EVI5: variants seen among roughly 807,000 people sequenced by gnomAD.
EVI5 encodes ecotropic viral integration site 5 protein homolog.
A neutral mutation model predicts 112.0 loss-of-function variants in EVI5; 73 were observed. That is an observed-to-expected ratio of 0.65 (90% CI 0.54 to 0.79). EVI5 has a LOEUF of 0.79. Among genes scored for constraint, EVI5 ranks in the 30% least tolerant of loss-of-function variants. EVI5 has a pLI of 0.00. For synonymous variants in EVI5, 305 were observed against 319.9 expected, an observed-to-expected ratio of 0.95 and a Z score of 0.50; for missense variants, 900 against 968.8, an observed-to-expected ratio of 0.93 and a Z score of 0.94.
chr1:92,736,375 A>G, intron 2 of EVI5, 23 bp downstream of exon 2: 1 of 1,481,996 alleles, frequency 6.7e-7, no homozygotes, highest in African/African-American at 1.4e-5. Flanking sequence ...TTGGAGAGAA[A>G]AAAGCTAAGC....
At position 92,513,876 on chromosome 1, in the gene EVI5, A is replaced by G; in HGVS notation, c.2261T>C (p.Phe754Ser). Reference sequence around the variant, plus strand: ...TATAAAATCTTCATCGGAGGAATGGAATGATTCATCATCTCCTATTAAATG... The same window carrying G: ...TATAAAATCTTCATCGGAGGAATGGGATGATTCATCATCTCCTATTAAATG... ...VNHLIGDDESFHSSDEDFIDN... is the reference protein window; with the variant it reads ...VNHLIGDDESSHSSDEDFIDN... Residue 754 changes from phenylalanine (F) to serine (S), a missense_variant, in exon 20 of 20, where the codon TTC becomes TCC. Physicochemically the swap from Phe to Ser is radical, Grantham distance 155 (BLOSUM62 -2). Coordinates refer to ENST00000684568, the MANE Select transcript of EVI5 (RefSeq NM_001350197.2). The G allele has an allele frequency of 6.2e-7, 1 of 1,613,178 alleles. No individual in the cohort carries two copies. Among genetic ancestry groups the G allele is most frequent in the Non-Finnish European group, 8.5e-7 (1 of 1,179,354 alleles).
chr1:92,782,026 C>T (rs765643919), intron 1 of EVI5, among the ~76,000 whole-genome samples: 5 of 146,842 alleles, frequency 3.4e-5, no homozygotes, highest in Non-Finnish European at 5.9e-5. Context: ...TTTAGGAGGC[C>T]GAGGTGGATG....
intron 1 of EVI5, among the ~76,000 whole-genome samples, chr1:92,792,026 C>T (rs527736848): frequency 6.6e-6 from 1 of 152,148 alleles, no homozygotes; most frequent in Non-Finnish European, 1.5e-5. Flanking sequence ...TTCAAAGAAA[C>T]GTAAACAGCA....
At chr1:92,557,881 C>A (rs957374831) in intron 19 of EVI5, among the ~76,000 whole-genome samples, 2 of 145,348 alleles carry the variant, frequency 1.4e-5, no homozygotes, top group East Asian at 4.2e-4. Context: ...CGCACCACCA[C>A]GCCCAGCCAA....
intron 10 of EVI5, 67 bp from the exon 11 acceptor site, chr1:92,666,059 A>C: frequency 1.0e-6 from 1 of 986,650 alleles, no homozygotes; most frequent in East Asian, 2.4e-5. Flanking sequence ...TCTAAATCAC[A>C]GTCCTGAAAA....
intron 18 of EVI5, among the ~76,000 whole-genome samples, chr1:92,586,428 C>T (rs1031631765): frequency 6.6e-6 from 1 of 151,896 alleles, no homozygotes; most frequent in Non-Finnish European, 1.5e-5. Flanking sequence ...TTATTTTATA[C>T]TTTGGGTTAT....
chr1:92,748,935 G>A (rs561679297), intron 1 of EVI5, among the ~76,000 whole-genome samples: 58 of 151,924 alleles, frequency 3.8e-4, no homozygotes, highest in African/African-American at 1.3e-3. Context: ...GCGTGGTGGC[G>A]TATATGTGTA....
At chr1:92,718,094 G>A (rs1407468499) in intron 2 of EVI5, among the ~76,000 whole-genome samples, 1 of 152,098 alleles carries the variant, frequency 6.6e-6, no homozygotes, top group Non-Finnish European at 1.5e-5. Context: ...AATAATAACA[G>A]GAGACTTTAA....
intron 18 of EVI5, among the ~76,000 whole-genome samples, chr1:92,581,693 T>TTA (rs1553190266): frequency 0.21 from 31,844 of 148,692 alleles, 3,506 homozygotes; most frequent in African/African-American, 0.25. Flanking sequence ...AGTTTTTGCT[T>TTA]AAAAAAAAAA....
chr1:92,710,230 G>A (rs1672642014), intron 2 of EVI5, among the ~76,000 whole-genome samples: 1 of 152,026 alleles, frequency 6.6e-6, no homozygotes, highest in African/African-American at 2.4e-5. Flanking sequence ...TATAGTCTCA[G>A]CTACTGGGGG....
intron 2 of EVI5, among the ~76,000 whole-genome samples, chr1:92,712,032 A>G (rs148274164): frequency 6.6e-6 from 1 of 152,258 alleles, no homozygotes; most frequent in Admixed American, 6.5e-5. Flanking sequence ...CACTAATCCC[A>G]TTTATGAGGA....
intron 1 of EVI5, among the ~76,000 whole-genome samples, chr1:92,742,464 G>A (rs1293682992): frequency 6.6e-6 from 1 of 151,958 alleles, no homozygotes; most frequent in Non-Finnish European, 1.5e-5. Flanking sequence ...CCTGAGGTCA[G>A]GAGTTCGAGA....
intron 19 of EVI5, among the ~76,000 whole-genome samples, chr1:92,554,004 T>C (rs1667342815): frequency 6.6e-6 from 1 of 152,192 alleles, no homozygotes; most frequent in African/African-American, 2.4e-5. Context: ...TCTGTGTTTC[T>C]CAAAACATCA....
intron 2 of EVI5, among the ~76,000 whole-genome samples, chr1:92,712,341 A>C (rs1180346504): frequency 6.6e-6 from 1 of 151,960 alleles, no homozygotes; most frequent in East Asian, 1.9e-4. Context: ...TGAAAAATAG[A>C]ATTTTTTTTT....
At position 92,688,292 on chromosome 1, in the gene EVI5, C is replaced by T. The variant is rs917722492; in HGVS notation, c.1097+5510G>A. Among the ~76,000 whole-genome samples, 4 of 152,080 alleles carry T rather than the reference C, an allele frequency of 2.6e-5. 1 individual carries two copies. Among genetic ancestry groups the T allele is most frequent in the Non-Finnish European group, 5.9e-5 (4 of 68,018 alleles). On this transcript the variant is annotated intron_variant, in intron 9 of 19. Coordinates refer to ENST00000684568, the MANE Select transcript of EVI5 (RefSeq NM_001350197.2). ...ACAAACTATCACAAGGACAGAAAAC[C>T]AAACACCGCATGCTCTCACTCATAG...
At chr1:92,678,385 G>C (rs538707762) in intron 9 of EVI5, among the ~76,000 whole-genome samples, 3 of 151,970 alleles carry the variant, frequency 2.0e-5, no homozygotes, top group Non-Finnish European at 2.9e-5. Flanking sequence ...ACAAAAATTA[G>C]CCAGGTGCGG....
In EVI5 at chr1:92,721,959, T is replaced by G. The variant is rs192549972; in HGVS notation, c.149+14439A>C. Among the ~76,000 whole-genome samples, 111 of 152,312 alleles carry G rather than the reference T, an allele frequency of 7.3e-4. 1 individual carries two copies. Among genetic ancestry groups the G allele is most frequent in the South Asian group, 4.3e-3 (21 of 4,830 alleles). On this transcript the variant is annotated intron_variant, in intron 2 of 19. Coordinates refer to ENST00000684568, the MANE Select transcript of EVI5 (RefSeq NM_001350197.2). ...TTCATCCTTGTATATAATAACCAAC[T>G]GAACACTTAAAAATCCTTTATACCC...
At chr1:92,591,219 A>T (rs1673817338) in intron 18 of EVI5, among the ~76,000 whole-genome samples, 1 of 152,070 alleles carries the variant, frequency 6.6e-6, no homozygotes, top group Non-Finnish European at 1.5e-5. Flanking sequence ...CGAGCAAAAT[A>T]ACCAGCTAAC....
intron 1 of EVI5, among the ~76,000 whole-genome samples, chr1:92,748,025 G>C (rs1679571828): frequency 6.6e-6 from 1 of 152,072 alleles, no homozygotes; most frequent in African/African-American, 2.4e-5. Context: ...CACATTCTGA[G>C]GTACAAGGGT....
Sources: allele counts gnomAD v4.1 joint callset (sites outside exome capture counted in the v4.1 genomes callset), GRCh38; gene constraint gnomAD v4.1.1; transcripts MANE v1.5; gene names NCBI Gene and HGNC (gene_info 2026-07-23, HGNC 2026-07-21).